Variants in FAM13B observed in about 807,000 individuals in gnomAD.
The protein encoded by FAM13B is family with sequence similarity 13 member B.
FAM13B carries 60 observed loss-of-function variants against 117.3 expected under a neutral mutation model. That is an observed-to-expected ratio of 0.51 (90% CI 0.42 to 0.63). FAM13B has a LOEUF of 0.63. Ranked by LOEUF, FAM13B falls within the 30% of genes least tolerant of loss-of-function variation. The pLI is 0.00. For synonymous variants in FAM13B, 332 were observed against 356.1 expected (o/e 0.93, Z 0.76); for missense variants, 972 against 1,091.9 (o/e 0.89, Z 1.55).
chr5:137,962,407 C>G lies in FAM13B; in HGVS notation c.1242G>C (p.Glu414Asp). The change falls in exon 11 of 24, where the codon GAG becomes GAC. Residue 414 changes from glutamate to aspartate, a missense_variant and splice_region_variant. Coordinates refer to ENST00000689681, the MANE Select transcript of FAM13B (RefSeq NM_001385994.1). ...DRGDSEDGCL[E>D]REEYLLFDSD... ...TAGCAACAAGAAAAAATGCTTACCT[C>G]TCAAGACAGCCATCTTCACTATCAC... is the stretch of plus-strand genomic sequence containing the variant. The G allele has an allele frequency of 6.2e-7, 1 of 1,613,550 alleles. No individual in the cohort carries two copies. Among genetic ancestry groups the G allele is most frequent in the Non-Finnish European group, 8.5e-7 (1 of 1,179,674 alleles).
chr5:137,995,705 A>T (rs1341269060), intron 7 of FAM13B, among the ~76,000 whole-genome samples: 4 of 152,226 alleles, frequency 2.6e-5, no homozygotes, highest in Non-Finnish European at 5.9e-5. Context: ...ACAAGAGTAT[A>T]TCAAAAGATT....
chr5:138,021,205 A>T lies in FAM13B; in HGVS notation c.-202-8T>A. ...AGTACTTCAGCAGTTAATCTACAAGACAAAAACAATTATTTCAATTTCCCA... is the reference window on the plus strand; with the variant it reads ...AGTACTTCAGCAGTTAATCTACAAGTCAAAAACAATTATTTCAATTTCCCA... On this transcript the variant is annotated splice_polypyrimidine_tract_variant and splice_region_variant and intron_variant, in intron 1 of 23. Transcript: ENST00000689681. 1 of 1,231,476 alleles carries T rather than the reference A, an allele frequency of 8.1e-7. No individual in the cohort carries two copies. Among genetic ancestry groups the T allele is most frequent in the Non-Finnish European group, 1.0e-6 (1 of 987,752 alleles). The allele number at this position is 1,231,476 out of a possible 1,614,324, so 76.3% of individuals were successfully genotyped here. A position where few individuals can be genotyped will look rare whatever the true frequency, so the allele number is the denominator to read the frequency against.
Position 137,942,894 on chromosome 5 carries a change from T to G in FAM13B, c.2569A>C (p.Ser857Arg), listed in dbSNP as rs772429644. The G allele has an allele frequency of 6.2e-7, 1 of 1,609,796 alleles. No individual in the cohort carries two copies. Reference protein sequence around the residue: ...EKLALDLRLSSSRAASMPELL... With the variant: ...EKLALDLRLSRSRAASMPELL... Reference sequence around the variant, plus strand: ...ACATACATAGAAGCTGCTCGAGAACTTGACAATCGGAGATCCAGAGCCAGT... The same window carrying G: ...ACATACATAGAAGCTGCTCGAGAACGTGACAATCGGAGATCCAGAGCCAGT... The change falls in exon 22 of 24, where the codon AGT becomes CGT. Residue 857 changes from serine to arginine, a missense_variant. Coordinates refer to ENST00000689681, the MANE Select transcript of FAM13B (RefSeq NM_001385994.1).
Position 138,006,987 on chromosome 5 carries a change from T to C in FAM13B, c.848+3A>G. On this transcript the variant is annotated splice_donor_region_variant and intron_variant, in intron 7 of 23. Coordinates refer to ENST00000689681, the MANE Select transcript of FAM13B (RefSeq NM_001385994.1). ...GCTAAAGTTCATTCAACTGAGCTAT[T>C]ACCTTGTTGCCGTAACACTATTTGA... The C allele has an allele frequency of 1.9e-6, 3 of 1,600,958 alleles. No homozygotes were observed. Among genetic ancestry groups the C allele is most frequent in the Non-Finnish European group, 1.7e-6 (2 of 1,176,432 alleles).
intron 7 of FAM13B, among the ~76,000 whole-genome samples, chr5:137,989,009 G>A (rs925563080): frequency 2.0e-5 from 3 of 152,176 alleles, no homozygotes; most frequent in Non-Finnish European, 2.9e-5. Flanking sequence ...AGCCATTGAT[G>A]AATACAGGTA....
upstream of FAM13B, chr5:138,036,449 G>A (rs1473627777): frequency 2.2e-6 from 1 of 456,574 alleles, no homozygotes; most frequent in South Asian, 1.5e-5. Flanking sequence ...CCGCCAGCCT[G>A]TGGGAGTCAG....
chr5:138,044,073 C>CA (rs1791575704), intron 1 of FAM13B, among the ~76,000 whole-genome samples: 1 of 151,780 alleles, frequency 6.6e-6, no homozygotes, highest in African/African-American at 2.4e-5. Flanking sequence ...CACATGCTGT[C>CA]ACACCTAGCT....
chr5:138,021,587 A>C (rs1413797150), intron 1 of FAM13B, among the ~76,000 whole-genome samples: 1 of 152,220 alleles, frequency 6.6e-6, no homozygotes, highest in Non-Finnish European at 1.5e-5. Context: ...TCAAAGAATC[A>C]AAGATATGAT....
intron 4 of FAM13B, among the ~76,000 whole-genome samples, chr5:138,013,158 G>A (rs550018441): frequency 2.2e-4 from 34 of 151,520 alleles, no homozygotes; most frequent in Non-Finnish European, 3.2e-4. Flanking sequence ...AGCCGAGATC[G>A]TGCCACTGCA....
chr5:137,981,077 ATTT>A lies in FAM13B; in HGVS notation c.1179+4177_1179+4179del, dbSNP rs56799832. On this transcript the variant is annotated intron_variant, in intron 10 of 23. Coordinates refer to ENST00000689681, the MANE Select transcript of FAM13B (RefSeq NM_001385994.1). ...CAGGGGAGCACCACTACACCTGGCT[ATTT>A]TTTTTTTTTTTTTTTTTTTTTTTTT... Among the ~76,000 whole-genome samples the A allele has an allele frequency of 5.1e-3, 311 of 60,478 alleles. 3 individuals carry two copies. The highest frequency in any genetic ancestry group is 5.4e-3 in the Non-Finnish European group (187 of 34,864). The allele number at this position is 60,478 out of a possible 152,430, so 39.7% of individuals were successfully genotyped here. A position where few individuals can be genotyped will look rare whatever the true frequency, so the allele number is the denominator to read the frequency against.
Position 137,962,409 on chromosome 5 carries a change from C to T in FAM13B, c.1240G>A (p.Glu414Lys). The change falls in exon 11 of 24, where the codon GAG (glutamate) becomes AAG (lysine). Residue 414 changes from glutamate to lysine, a missense_variant. Transcript: ENST00000689681. ...DRGDSEDGCL[E>K]REEYLLFDSD... ...GCAACAAGAAAAAATGCTTACCTCT[C>T]AAGACAGCCATCTTCACTATCACCA... 6.2e-7 allele frequency: 1 copy of T among 1,613,554 alleles called. No homozygotes were observed. Among genetic ancestry groups the T allele is most frequent in the Non-Finnish European group, 8.5e-7 (1 of 1,179,662 alleles).
intron 17 of FAM13B, 67 bp downstream of exon 17, chr5:137,952,561 A>C: frequency 1.0e-6 from 1 of 953,320 alleles, no homozygotes; most frequent in Non-Finnish European, 1.6e-6. Flanking sequence ...TGTATTTGTG[A>C]TTCTCAGACA....
intron 10 of FAM13B, among the ~76,000 whole-genome samples, chr5:137,983,196 A>AAAAAAAAAAAAAAAAAAAAAAAAAAAC (rs1776285315): frequency 6.7e-6 from 1 of 148,210 alleles, no homozygotes; most frequent in African/African-American, 2.5e-5. Flanking sequence ...AAAAAAAAAA[A>AAAAAAAAAAAAAAAAAAAAAAAAAAAC]AAAAAAAAAA....
At chr5:138,042,722 C>T (rs770672788) in intron 1 of FAM13B, among the ~76,000 whole-genome samples, 3 of 151,180 alleles carry the variant, frequency 2.0e-5, no homozygotes, top group Non-Finnish European at 2.9e-5. Context: ...GGCAAGAGTT[C>T]GTGGAGACAC....
At chr5:137,953,529 C>A in intron 15 of FAM13B, 64 bp from the exon 16 acceptor site, 2 of 1,525,376 alleles carry the variant, frequency 1.3e-6, no homozygotes, top group Non-Finnish European at 1.8e-6. Flanking sequence ...TCTCTTATTG[C>A]CCTGACATGG....
chr5:137,974,992 ATT>A (rs1336748064), intron 10 of FAM13B, among the ~76,000 whole-genome samples: 1 of 152,212 alleles, frequency 6.6e-6, no homozygotes, highest in Non-Finnish European at 1.5e-5. Context: ...AGCCATGCTC[ATT>A]TCTTACGGTT....
At chr5:138,046,404 G>A (rs1432289980) in intron 1 of FAM13B, among the ~76,000 whole-genome samples, 5 of 152,226 alleles carry the variant, frequency 3.3e-5, no homozygotes, top group Admixed American at 3.3e-4. Flanking sequence ...GAGGTGGTAT[G>A]TGACAGACAA....
intron 14 of FAM13B, among the ~76,000 whole-genome samples, chr5:137,955,978 A>T (rs985747935): frequency 1.3e-5 from 2 of 152,158 alleles, no homozygotes; most frequent in African/African-American, 2.4e-5. Flanking sequence ...GCTATTGGCT[A>T]TTAGCAATAG....
chr5:137,951,229 A>AG (rs1764912011), intron 17 of FAM13B, among the ~76,000 whole-genome samples: 3 of 151,188 alleles, frequency 2.0e-5, no homozygotes, highest in African/African-American at 7.3e-5. Flanking sequence ...AAAAAAAAAA[A>AG]AAAAGGAGAG....
Sources: gnomAD v4.1 joint callset for allele counts (sites outside exome capture counted in the v4.1 genomes callset) on GRCh38, gnomAD v4.1.1 for gene constraint, MANE v1.5 for transcripts, NCBI Gene and HGNC (gene_info 2026-07-23, HGNC 2026-07-21) for gene names.